The following MDGA2 variants were observed in gnomAD, a reference collection of about 807,000 sequenced individuals.
MDGA2 encodes MAM domain containing glycosylphosphatidylinositol anchor 2.
MDGA2 carries 40 observed loss-of-function variants against 117.8 expected under a neutral mutation model. That is an observed-to-expected ratio of 0.34 (90% CI 0.26 to 0.44). The LOEUF (loss-of-function observed/expected upper bound fraction) is 0.44. Ranked by LOEUF, MDGA2 falls within the 20% of genes least tolerant of loss-of-function variation. MDGA2 has a pLI of 1.00. For synonymous variants in MDGA2, 452 were observed against 439.0 expected (o/e 1.03, Z -0.37); for missense variants, 1,123 against 1,250.6 (o/e 0.90, Z 1.54).
chr14:47,649,709 AC>A lies in MDGA2; in HGVS notation c.280+24807del, dbSNP rs1451990048. The stretch of plus-strand genomic sequence containing the variant: ...CAAAAACAAAACAAAACAAAACAAA[AC>A]AAAAAAACCCCACAAATATATAGAG... On this transcript the variant is annotated intron_variant, in intron 1 of 16. Coordinates refer to ENST00000399232, the MANE Select transcript of MDGA2 (RefSeq NM_001113498.3). Among the ~76,000 whole-genome samples the A allele has an allele frequency of 1.3e-4, 20 of 151,772 alleles. 1 individual carries two copies. In the South Asian group the frequency reaches 1.5e-3, roughly 11 times the overall value.
chr14:47,580,593 G>T (rs1438403871), intron 1 of MDGA2, among the ~76,000 whole-genome samples: 1 of 151,862 alleles, frequency 6.6e-6, no homozygotes, highest in Non-Finnish European at 1.5e-5. Context: ...AAATTTAAAG[G>T]GGAAATATTC....
chr14:47,234,116 T>C (rs1369841526), intron 2 of MDGA2, among the ~76,000 whole-genome samples: 1 of 151,966 alleles, frequency 6.6e-6, no homozygotes, highest in African/African-American at 2.4e-5. Flanking sequence ...AGACCGACAA[T>C]CACATAGCAA....
intron 1 of MDGA2, among the ~76,000 whole-genome samples, chr14:47,617,625 GTTTC>G (rs1261369450): frequency 6.6e-6 from 1 of 152,124 alleles, no homozygotes; most frequent in Non-Finnish European, 1.5e-5. Flanking sequence ...GTCTCATATA[GTTTC>G]TTTATTAACT....
At chr14:47,375,918 TTA>T (rs1408112318) in intron 1 of MDGA2, among the ~76,000 whole-genome samples, 1 of 152,166 alleles carries the variant, frequency 6.6e-6, no homozygotes, top group Non-Finnish European at 1.5e-5. Context: ...CTATTACCTA[TTA>T]CCATGTGGAA....
At chr14:47,139,345 T>C (rs1422414275) in intron 4 of MDGA2, among the ~76,000 whole-genome samples, 1 of 152,106 alleles carries the variant, frequency 6.6e-6, no homozygotes, top group Non-Finnish European at 1.5e-5. Flanking sequence ...CATGTGCTAA[T>C]GTCTCCACCT....
chr14:47,152,986 T>A (rs776860904), intron 3 of MDGA2, among the ~76,000 whole-genome samples: 5 of 152,188 alleles, frequency 3.3e-5, no homozygotes, highest in Non-Finnish European at 5.9e-5. Flanking sequence ...CATAAAGCTC[T>A]GAGATATCAG....
Position 47,563,861 on chromosome 14 carries a change from T to C in MDGA2, c.280+110656A>G, listed in dbSNP as rs182404604. On this transcript the variant is annotated intron_variant, in intron 1 of 16. Coordinates refer to ENST00000399232, the MANE Select transcript of MDGA2 (RefSeq NM_001113498.3). ...GTTGCTTTATGGTATCACTGGTTTATGTACTGTATGTGTTTTTGTAGCAGT... is the reference window on the plus strand; with the variant it reads ...GTTGCTTTATGGTATCACTGGTTTACGTACTGTATGTGTTTTTGTAGCAGT... 1.2e-3 allele frequency among the ~76,000 whole-genome samples: 181 copies of C among 152,236 alleles called. 1 individual carries two copies. The highest frequency in any genetic ancestry group is 2.0e-3 in the Non-Finnish European group (135 of 67,996).
At chr14:47,126,747 G>A (rs937209632) in intron 5 of MDGA2, among the ~76,000 whole-genome samples, 4 of 152,132 alleles carry the variant, frequency 2.6e-5, no homozygotes, top group Admixed American at 6.6e-5. Context: ...CTTGTTTAAA[G>A]TGTATACATT....
chr14:46,926,571 A>G (rs1287256690), intron 9 of MDGA2, among the ~76,000 whole-genome samples: 5 of 152,170 alleles, frequency 3.3e-5, no homozygotes, highest in African/African-American at 1.2e-4. Flanking sequence ...TAGGTAAAAT[A>G]CACAATAAAA....
chr14:46,887,657 G>A (rs1364643224), intron 10 of MDGA2, among the ~76,000 whole-genome samples: 1 of 151,850 alleles, frequency 6.6e-6, no homozygotes, highest in African/African-American at 2.4e-5. Context: ...TTATCTTTCA[G>A]ATAAGCATGC....
chr14:47,081,143 TA>T (rs896577178), intron 6 of MDGA2, among the ~76,000 whole-genome samples: 4 of 152,088 alleles, frequency 2.6e-5, no homozygotes, highest in African/African-American at 9.7e-5. Context: ...AAATTTCCTT[TA>T]AAAAATATTT....
At chr14:47,405,809 T>C (rs953373799) in intron 1 of MDGA2, among the ~76,000 whole-genome samples, 1 of 152,128 alleles carries the variant, frequency 6.6e-6, no homozygotes, top group Admixed American at 6.5e-5. Context: ...AGCAATCATA[T>C]AAATTTAATC....
intron 15 of MDGA2, among the ~76,000 whole-genome samples, chr14:46,851,997 G>T (rs993460077): frequency 6.6e-6 from 1 of 151,708 alleles, no homozygotes; most frequent in African/African-American, 2.4e-5. Context: ...GGATTGTTTA[G>T]TTGTGTTTCA....
At position 47,234,223 on chromosome 14, in the gene MDGA2, T is replaced by C. The variant is rs554067546; in HGVS notation, c.421-16028A>G. Among the ~76,000 whole-genome samples the C allele has an allele frequency of 5.0e-3, 748 of 150,258 alleles. 11 individuals are homozygous for C. Among genetic ancestry groups the C allele is most frequent in the African/African-American group, 0.017 (708 of 41,214 alleles). On this transcript the variant is annotated intron_variant, in intron 2 of 16. Coordinates refer to ENST00000399232, the MANE Select transcript of MDGA2 (RefSeq NM_001113498.3). Reference sequence around the variant, plus strand: ...AATACTTATATCATTAAATTATAAATATTAAATGTAAATATTCATATTATA... The same window carrying C: ...AATACTTATATCATTAAATTATAAACATTAAATGTAAATATTCATATTATA...
intron 1 of MDGA2, among the ~76,000 whole-genome samples, chr14:47,633,190 G>A (rs1404354461): frequency 3.0e-5 from 2 of 66,436 alleles, no homozygotes; most frequent in Admixed American, 4.0e-4. Context: ...ATGGAACGAC[G>A]ATGTCTTTTT....
Position 46,855,487 on chromosome 14 carries a change from T to A in MDGA2, c.2753-333A>T, listed in dbSNP as rs559968293. Among the ~76,000 whole-genome samples, 3 of 152,196 alleles carry A rather than the reference T, an allele frequency of 2.0e-5. No homozygotes were observed. The highest frequency in any genetic ancestry group is 7.2e-5 in the African/African-American group (3 of 41,550). On this transcript the variant is annotated intron_variant, in intron 14 of 16. Coordinates refer to ENST00000399232, the MANE Select transcript of MDGA2 (RefSeq NM_001113498.3). The surrounding 1 kb of genome is among the most constrained non-coding windows in gnomAD (Gnocchi z 4.1). ...TTATAAAACAGAGGCAGAGGGAGAT[T>A]TGATACAGGAAAGAAGGCCATGAGA...
At chr14:47,098,566 C>T (rs1166702135) in intron 5 of MDGA2, among the ~76,000 whole-genome samples, 1 of 151,634 alleles carries the variant, frequency 6.6e-6, no homozygotes, top group East Asian at 1.9e-4. Context: ...TAATGTTAAA[C>T]TGATGGAGGA....
chr14:47,205,283 T>G (rs1033269669), intron 3 of MDGA2, among the ~76,000 whole-genome samples: 2 of 152,010 alleles, frequency 1.3e-5, no homozygotes, highest in Non-Finnish European at 2.9e-5. Context: ...CTTTAGCGAC[T>G]ATTTATTCCC....
chr14:47,120,652 G>T (rs539846774), intron 5 of MDGA2, among the ~76,000 whole-genome samples: 42 of 152,200 alleles, frequency 2.8e-4, no homozygotes, highest in African/African-American at 8.7e-4. Context: ...GTGATGCTTT[G>T]GAAATAATTG....
Sources: allele counts gnomAD v4.1 joint callset (sites outside exome capture counted in the v4.1 genomes callset), GRCh38; gene constraint gnomAD v4.1.1; non-coding constraint Gnocchi (gnomAD v3.1); transcripts MANE v1.5; gene names NCBI Gene and HGNC (gene_info 2026-07-23, HGNC 2026-07-21).